Variants in GPHN observed in about 807,000 individuals in gnomAD.
GPHN encodes the protein gephyrin.
GPHN carries 17 observed loss-of-function variants against 95.5 expected under a neutral mutation model. That is an observed-to-expected ratio of 0.18 (90% confidence interval 0.12 to 0.27). The LOEUF (loss-of-function observed/expected upper bound fraction) is 0.27, where lower values mean the gene tolerates loss of function less well. Among genes scored for constraint, GPHN ranks in the 10% least tolerant of loss-of-function variants. The pLI is 1.00. For missense variants in GPHN, 660 were observed against 978.1 expected, an observed-to-expected ratio of 0.67 and a Z score of 4.34; for synonymous variants, 320 against 322.5, an observed-to-expected ratio of 0.99 and a Z score of 0.08.
chr14:66,745,141 T>C (rs908472676), intron 2 of GPHN, among the ~76,000 whole-genome samples: 4 of 152,156 alleles, frequency 2.6e-5, no homozygotes, highest in African/African-American at 4.8e-5. Flanking sequence ...GCTATTGTTA[T>C]ACTTCAACTC....
Position 67,010,427 on chromosome 14 carries a change from C to CT in GPHN, c.964-13205dup, listed in dbSNP as rs1201892975. On this transcript the variant is annotated intron_variant, in intron 9 of 22. Transcript: ENST00000478722. ...ATTAGCCAGGTGTGGTGGCGGGCAC[C>CT]TGCAGTCCCAGTTACTCGGGAGGTT... 2.0e-5 allele frequency among the ~76,000 whole-genome samples: 3 copies of CT among 151,514 alleles called. No homozygotes were observed. The East Asian group carries it at 5.9e-4, about 30-fold the overall frequency.
the GPHN span, chr14:67,338,801 T>C: frequency 4.5e-6 from 7 of 1,562,500 alleles, no homozygotes; most frequent in Admixed American, 3.6e-5. Context: ...TTAAACACTG[T>C]TTCAATATTA....
At chr14:67,635,081 CAA>C in the GPHN span, among the ~76,000 whole-genome samples, 4,654 of 152,018 alleles carry the variant, frequency 0.031, 215 homozygotes, top group African/African-American at 0.1. Flanking sequence ...CTTGTCTCTA[CAA>C]AAAAATATAA....
rs375266600 is a variant in GPHN at position 67,160,246 on chromosome 14, C to G, written c.1910+758C>G. Among the ~76,000 whole-genome samples the G allele has an allele frequency of 4.6e-5, 7 of 152,170 alleles. No homozygotes were observed. In the South Asian group the frequency reaches 8.3e-4, roughly 18 times the overall value. ...CATGTTTCCTGATGAATGGATTTGG[C>G]TGATTACTTCCTTAGGTTATGTTCC... On this transcript the variant is annotated intron_variant, in intron 19 of 22. Coordinates refer to ENST00000478722, the MANE Select transcript of GPHN (RefSeq NM_020806.5).
chr14:67,180,352 C>G (rs557831228), intron 22 of GPHN, among the ~76,000 whole-genome samples: 1 of 152,264 alleles, frequency 6.6e-6, no homozygotes, highest in Admixed American at 6.5e-5. Flanking sequence ...TAGCAGGACC[C>G]TAGGCAAGTT....
At chr14:66,596,040 C>T (rs575497867) in intron 1 of GPHN, among the ~76,000 whole-genome samples, 1 of 152,056 alleles carries the variant, frequency 6.6e-6, no homozygotes, top group African/African-American at 2.4e-5. Flanking sequence ...GTTCAGCTCT[C>T]AGCAGAGAGG....
the GPHN span, among the ~76,000 whole-genome samples, chr14:67,541,566 T>C: frequency 3.9e-5 from 6 of 152,012 alleles, no homozygotes; most frequent in Admixed American, 3.9e-4. Flanking sequence ...TTTTCACTTC[T>C]GTCCAAATGA....
the GPHN span, among the ~76,000 whole-genome samples, chr14:67,614,254 T>A: frequency 6.6e-6 from 1 of 152,198 alleles, no homozygotes; most frequent in Non-Finnish European, 1.5e-5. Flanking sequence ...CTCTTGTTAA[T>A]CTGTCATTTG....
At chr14:66,880,707 A>G (rs2063888137) in intron 5 of GPHN, among the ~76,000 whole-genome samples, 2 of 152,056 alleles carry the variant, frequency 1.3e-5, no homozygotes, top group East Asian at 1.9e-4. Flanking sequence ...TTTAATTATT[A>G]TATTACATTA....
intron 1 of GPHN, among the ~76,000 whole-genome samples, chr14:66,554,270 G>GT (rs1473741173): frequency 6.6e-6 from 1 of 152,234 alleles, no homozygotes; most frequent in Non-Finnish European, 1.5e-5. Context: ...AGTGAGACAA[G>GT]TAGGACTGTG....
chr14:67,196,663 T>C, the GPHN span: 2 of 152,234 alleles, frequency 1.3e-5, no homozygotes, highest in South Asian at 4.1e-4. Context: ...AATATCCTCA[T>C]TGGCCATAGG....
the GPHN span, among the ~76,000 whole-genome samples, chr14:67,687,469 T>A: frequency 7.2e-4 from 3 of 4,144 alleles, no homozygotes; most frequent in African/African-American, 9.5e-4. Context: ...CCATATTCCT[T>A]TTTTTTTTTT....
intron 11 of GPHN, among the ~76,000 whole-genome samples, chr14:67,074,470 G>A (rs1417802858): frequency 6.6e-6 from 1 of 152,014 alleles, no homozygotes; most frequent in Non-Finnish European, 1.5e-5. Context: ...TTTGCCAATT[G>A]GCTGTTCCCT....
At chr14:66,740,179 AAT>A (rs1426447161) in intron 2 of GPHN, among the ~76,000 whole-genome samples, 1 of 152,194 alleles carries the variant, frequency 6.6e-6, no homozygotes, top group Non-Finnish European at 1.5e-5. Context: ...AATATAATCA[AAT>A]ATATGGTCAA....
intron 12 of GPHN, among the ~76,000 whole-genome samples, chr14:67,095,353 C>T (rs959491629): frequency 4.6e-5 from 7 of 152,128 alleles, no homozygotes; most frequent in African/African-American, 1.2e-4. Context: ...AGTTCAACCA[C>T]TGTGGAAGTC....
the GPHN span, among the ~76,000 whole-genome samples, chr14:67,345,314 T>A: frequency 2.0e-5 from 3 of 151,952 alleles, no homozygotes; most frequent in Admixed American, 2.0e-4. Flanking sequence ...CCTAGCACTT[T>A]GGGAGGCCGA....
chr14:66,741,065 T>G (rs1362993968), intron 2 of GPHN, among the ~76,000 whole-genome samples: 2 of 152,192 alleles, frequency 1.3e-5, no homozygotes, highest in Admixed American at 1.3e-4. Context: ...CAAGCCCTTT[T>G]ATAATTGACA....
intron 2 of GPHN, among the ~76,000 whole-genome samples, chr14:66,759,259 T>C (rs112345042): frequency 0.015 from 2,358 of 152,212 alleles, 49 homozygotes; most frequent in African/African-American, 0.054. Flanking sequence ...CCTGGGTCTA[T>C]TAGAAAGTGA....
At chr14:67,404,048 C>CA in the GPHN span, among the ~76,000 whole-genome samples, 1 of 150,614 alleles carries the variant, frequency 6.6e-6, no homozygotes, top group Non-Finnish European at 1.5e-5. Flanking sequence ...GTGAGACTGC[C>CA]AAAAAAATTT....
Sources: gnomAD v4.1 joint callset for allele counts (sites outside exome capture counted in the v4.1 genomes callset) on GRCh38, gnomAD v4.1.1 for gene constraint, MANE v1.5 for transcripts, NCBI Gene and HGNC (gene_info 2026-07-23, HGNC 2026-07-21) for gene names.